The following SLC16A10 variants were observed in gnomAD, a reference collection of about 807,000 sequenced individuals.
SLC16A10 encodes monocarboxylate transporter 10.
SLC16A10 carries 27 observed loss-of-function variants against 40.0 expected under a neutral mutation model. The observed-to-expected ratio is 0.67, with a 90% CI of 0.50 to 0.93. SLC16A10 has a LOEUF of 0.93. Ranked by LOEUF, SLC16A10 falls within the 40% of genes least tolerant of loss-of-function variation. SLC16A10 has a pLI of 0.00. For missense variants in SLC16A10, 529 were observed against 658.2 expected (o/e 0.80, Z 2.15); for synonymous variants, 213 against 249.8 (o/e 0.85, Z 1.39).
At chr6:111,104,272 A>C (rs1039080439) in intron 1 of SLC16A10, among the ~76,000 whole-genome samples, 7 of 152,210 alleles carry the variant, frequency 4.6e-5, no homozygotes, top group Admixed American at 4.6e-4. Flanking sequence ...GAGGCAAGAA[A>C]TAGGAGGAAC....
At chr6:111,153,066 G>C (rs187414619) in intron 1 of SLC16A10, among the ~76,000 whole-genome samples, 2 of 152,198 alleles carry the variant, frequency 1.3e-5, no homozygotes, top group Non-Finnish European at 2.9e-5. Context: ...AAGGGAGAGA[G>C]AGGGTGCTGA....
chr6:111,216,428 G>A (rs1223249198), intron 4 of SLC16A10, among the ~76,000 whole-genome samples: 1 of 151,756 alleles, frequency 6.6e-6, no homozygotes, highest in Non-Finnish European at 1.5e-5. Flanking sequence ...TTTTGAGAGG[G>A]AGTCTCACAC....
At chr6:111,187,441 G>A (rs1347083578) in intron 3 of SLC16A10, among the ~76,000 whole-genome samples, 2 of 152,124 alleles carry the variant, frequency 1.3e-5, no homozygotes, top group Non-Finnish European at 2.9e-5. Flanking sequence ...CTTAGGACCT[G>A]AAAGGCATTG....
At chr6:111,126,375 C>G (rs976124206) in intron 1 of SLC16A10, among the ~76,000 whole-genome samples, 1 of 152,132 alleles carries the variant, frequency 6.6e-6, no homozygotes, top group Non-Finnish European at 1.5e-5. Flanking sequence ...CTTTTTCACA[C>G]TAATCCTTTG....
chr6:111,095,748 C>A (rs1313813601), intron 1 of SLC16A10, among the ~76,000 whole-genome samples: 1 of 152,130 alleles, frequency 6.6e-6, no homozygotes, highest in Non-Finnish European at 1.5e-5. Flanking sequence ...GGGCAGTTCC[C>A]CTGCACACTT....
chr6:111,119,316 T>C (rs921854377), intron 1 of SLC16A10, among the ~76,000 whole-genome samples: 19 of 152,206 alleles, frequency 1.2e-4, no homozygotes, highest in African/African-American at 4.6e-4. Context: ...TTAGTAAATA[T>C]TTTAGAGTAG....
rs4038339 is a variant in SLC16A10, at chr6:111,229,029, C to CAAA, written c.*6812_*6814dup. Reference sequence around the variant, plus strand: ...GGGCAACAAGAGCAAAACTCTGTCTCAAAAAAAAAAAAAAAAAAAATAGTG... The same window carrying CAAA: ...GGGCAACAAGAGCAAAACTCTGTCTCAAAAAAAAAAAAAAAAAAAAAAATAGTG... On this transcript the variant is annotated 3_prime_UTR_variant, in exon 6 of 6. Transcript: ENST00000368851. 0.02 allele frequency: 2,276 copies of CAAA among 111,674 alleles called. 58 individuals carry two copies. Among genetic ancestry groups the CAAA allele is most frequent in the Middle Eastern group, 0.037 (8 of 218 alleles). The allele number at this position is 111,674 out of a possible 1,614,324, so 6.9% of individuals were successfully genotyped here. A position where few individuals can be genotyped will look rare whatever the true frequency, so the allele number is the denominator to read the frequency against.
rs372711616 is a variant in SLC16A10, at chr6:111,103,112, C to T, written c.343+15017C>T. Among the ~76,000 whole-genome samples, 6 of 151,992 alleles carry T rather than the reference C, an allele frequency of 3.9e-5. No individual in the cohort carries two copies. In the East Asian group the frequency reaches 5.8e-4, roughly 15 times the overall value. On this transcript the variant is annotated intron_variant, in intron 1 of 5. Transcript: ENST00000368851. ...GTAGAGACGGGGTTTCGCCACATTG[C>T]CCAGGCTGGTCTCAAACTCCTGGAC...
chr6:111,222,023 G>A lies in SLC16A10; in HGVS notation c.1336G>A (p.Gly446Ser). The change falls in exon 6 of 6, where the codon GGC becomes AGC. Residue 446 changes from glycine (G) to serine (S), a missense_variant. Physicochemically the swap from Gly to Ser is moderately conservative, Grantham distance 56. Coordinates refer to ENST00000368851, the MANE Select transcript of SLC16A10 (RefSeq NM_018593.5). ...PIAGLLRDKL[G>S]SYDVAFYLAG... ...CTCAGGGTTACTTCGTGACAAACTG[G>A]GCTCCTATGATGTGGCATTCTACCT... 3 of 1,605,682 alleles carry A rather than the reference G, an allele frequency of 1.9e-6. No individual in the cohort carries two copies. Among genetic ancestry groups the A allele is most frequent in the Middle Eastern group, 1.7e-4 (1 of 6,036 alleles).
chr6:111,200,945 T>G lies in SLC16A10; in HGVS notation c.943-5647T>G, dbSNP rs184894573. On this transcript the variant is annotated intron_variant, in intron 3 of 5. Coordinates refer to ENST00000368851, the MANE Select transcript of SLC16A10 (RefSeq NM_018593.5). ...TATGAATAGCAGTGAGTAAAAGTGC[T>G]TTGAACTTAGTGTCCGTATTGGAAA... Among the ~76,000 whole-genome samples, 6 of 152,360 alleles carry G rather than the reference T, an allele frequency of 3.9e-5. 1 individual carries two copies. Among genetic ancestry groups the G allele is most frequent in the Admixed American group, 3.9e-4 (6 of 15,298 alleles).
intron 1 of SLC16A10, among the ~76,000 whole-genome samples, chr6:111,160,876 G>A (rs1300645310): frequency 6.6e-6 from 1 of 152,090 alleles, no homozygotes. Flanking sequence ...AAAAGTTAAA[G>A]TGAAGACAAT....
At chr6:111,206,467 T>C (rs1243899861) in intron 3 of SLC16A10, 125 bp from the exon 4 acceptor site, 12 of 932,816 alleles carry the variant, frequency 1.3e-5, no homozygotes, top group Non-Finnish European at 2.0e-5. Flanking sequence ...TTCATAAATA[T>C]TGAAATTTGG....
At chr6:111,093,695 C>A (rs528383592) in intron 1 of SLC16A10, among the ~76,000 whole-genome samples, 1 of 152,230 alleles carries the variant, frequency 6.6e-6, no homozygotes, top group East Asian at 1.9e-4. Context: ...AGTAACAGTC[C>A]TTTGTTGAGC....
intron 1 of SLC16A10, among the ~76,000 whole-genome samples, chr6:111,125,054 T>C (rs1031387296): frequency 6.6e-6 from 1 of 152,212 alleles, no homozygotes; most frequent in Non-Finnish European, 1.5e-5. Context: ...GAAATACAAC[T>C]AGGAAAGTAT....
At chr6:111,092,401 C>G (rs1770995426) in intron 1 of SLC16A10, among the ~76,000 whole-genome samples, 1 of 142,448 alleles carries the variant, frequency 7.0e-6, no homozygotes, top group Non-Finnish European at 1.5e-5. Flanking sequence ...CTCACTGCAA[C>G]CACTGCCTCC....
chr6:111,212,147 G>A (rs1055670061), intron 4 of SLC16A10, among the ~76,000 whole-genome samples: 1 of 152,100 alleles, frequency 6.6e-6, no homozygotes, highest in Non-Finnish European at 1.5e-5. Context: ...GAGCCCAAGA[G>A]CACAGGCTCT....
intron 3 of SLC16A10, among the ~76,000 whole-genome samples, chr6:111,202,669 A>G (rs757496172): frequency 2.3e-4 from 35 of 151,958 alleles, no homozygotes; most frequent in Non-Finnish European, 3.2e-4. Flanking sequence ...CAAGTGGATC[A>G]TGAGGTCAGG....
rs1250698381 is a variant in SLC16A10, at chr6:111,230,311, A to G, written c.*8076A>G. ...GTTTCAGTTGAATTCTTCTCTTTTA[A>G]AAGACCCTGACTTAACTGTATTTTA... On this transcript the variant is annotated 3_prime_UTR_variant, in exon 6 of 6. Coordinates refer to ENST00000368851, the MANE Select transcript of SLC16A10 (RefSeq NM_018593.5). 1 of 152,070 alleles carries G rather than the reference A, an allele frequency of 6.6e-6. No homozygotes were observed. Among genetic ancestry groups the G allele is most frequent in the Non-Finnish European group, 1.5e-5 (1 of 68,016 alleles). The allele number at this position is 152,070 out of a possible 1,614,324, so 9.4% of individuals were successfully genotyped here. A position where few individuals can be genotyped will look rare whatever the true frequency, so the allele number is the denominator to read the frequency against.
intron 3 of SLC16A10, among the ~76,000 whole-genome samples, chr6:111,186,795 C>T (rs1772905506): frequency 6.6e-6 from 1 of 152,134 alleles, no homozygotes; most frequent in South Asian, 2.1e-4. Flanking sequence ...CTATCCCTAT[C>T]ATTATATCTC....
Sources: gnomAD v4.1 joint callset for allele counts (sites outside exome capture counted in the v4.1 genomes callset) on GRCh38, gnomAD v4.1.1 for gene constraint, MANE v1.5 for transcripts, NCBI Gene and HGNC (gene_info 2026-07-23, HGNC 2026-07-21) for gene names.